The following MARCHF1 variants were observed in gnomAD, a reference collection of about 807,000 sequenced individuals.
MARCHF1 encodes E3 ubiquitin-protein ligase MARCHF1.
Under a neutral mutation model 54.2 loss-of-function variants are expected in MARCHF1, and 40 were observed. The ratio of observed to expected loss-of-function variants is 0.74; its 90% confidence interval spans 0.57 to 0.96. The LOEUF is 0.96. Ranked by LOEUF, MARCHF1 falls within the 40% of genes least tolerant of loss-of-function variation. The probability of loss-of-function intolerance (pLI) is 0.00; values close to 1 mark genes in which losing one functional copy is unlikely to be tolerated. For synonymous variants in MARCHF1, 236 were observed against 236.3 expected (o/e 1.00, Z 0.01); for missense variants, 586 against 656.5 (o/e 0.89, Z 1.17).
intron 1 of MARCHF1, among the ~76,000 whole-genome samples, chr4:164,285,482 G>T (rs1376014345): frequency 1.3e-5 from 2 of 151,524 alleles, no homozygotes; most frequent in South Asian, 2.1e-4. Flanking sequence ...TCGCTCTGTC[G>T]CCCAGGCTGG....
intron 1 of MARCHF1, among the ~76,000 whole-genome samples, chr4:164,364,100 G>T (rs1405151749): frequency 6.6e-6 from 1 of 152,012 alleles, no homozygotes; most frequent in African/African-American, 2.4e-5. Flanking sequence ...TCAAAGAAGG[G>T]AAGGGAGAGA....
intron 5 of MARCHF1, among the ~76,000 whole-genome samples, chr4:163,645,363 T>C (rs552256871): frequency 3.9e-5 from 6 of 152,046 alleles, no homozygotes; most frequent in Non-Finnish European, 8.8e-5. Context: ...TGGAACCTAA[T>C]AGGAGAAAGC....
chr4:164,128,517 G>A (rs1414117509), intron 1 of MARCHF1, among the ~76,000 whole-genome samples: 1 of 143,126 alleles, frequency 7.0e-6, no homozygotes, highest in Non-Finnish European at 1.5e-5. Flanking sequence ...TTATACTTAT[G>A]AAATGATGCT....
At chr4:163,970,515 G>A (rs1047533097) in intron 3 of MARCHF1, among the ~76,000 whole-genome samples, 1 of 152,208 alleles carries the variant, frequency 6.6e-6, no homozygotes, top group Non-Finnish European at 1.5e-5. Flanking sequence ...ATGGATGGAT[G>A]AACAAACCTT....
intron 1 of MARCHF1, among the ~76,000 whole-genome samples, chr4:164,211,745 C>T (rs947413871): frequency 1.1e-4 from 16 of 151,850 alleles, no homozygotes; most frequent in African/African-American, 2.2e-4. Flanking sequence ...GTAGTAGGTA[C>T]GGATGCCATC....
chr4:164,048,929 A>G (rs1183418836), intron 2 of MARCHF1, among the ~76,000 whole-genome samples: 1 of 152,182 alleles, frequency 6.6e-6, no homozygotes, highest in Non-Finnish European at 1.5e-5. Flanking sequence ...TTATATAATT[A>G]TCTTACATAA....
intron 4 of MARCHF1, among the ~76,000 whole-genome samples, chr4:163,773,149 C>G (rs1005171889): frequency 6.6e-6 from 1 of 152,102 alleles, no homozygotes; most frequent in African/African-American, 2.4e-5. Context: ...CAGCAGGAGA[C>G]AGGCTGTGCC....
intron 1 of MARCHF1, among the ~76,000 whole-genome samples, chr4:164,340,405 T>TTATATACATACATACATATATA (rs58808830): frequency 1.0e-5 from 1 of 95,650 alleles, no homozygotes; most frequent in East Asian, 3.9e-4. Flanking sequence ...AGGCCTTGAT[T>TTATATACATACATACATATATA]TATATATAGA....
chr4:163,609,108 G>A (rs58270233), intron 7 of MARCHF1, among the ~76,000 whole-genome samples: 10,039 of 151,958 alleles, frequency 0.066, 476 homozygotes, highest in East Asian at 0.16. Flanking sequence ...CACACATGCC[G>A]TTGTTTAGTG....
chr4:163,975,182 TCTCTCTCTCTCTCTCACACA>T lies in MARCHF1; in HGVS notation c.-39+13299_-39+13318del, dbSNP rs1317715391. ...TAATAAAGCTCTCTCTCTCTCTCTCTCTCTCTCTCTCTCTCACACACACACACACACACACACACACACAC... is the reference window on the plus strand; with the variant it reads ...TAATAAAGCTCTCTCTCTCTCTCTCTCACACACACACACACACACACACAC... On this transcript the variant is annotated intron_variant, in intron 3 of 9. Coordinates refer to ENST00000514618, the MANE Select transcript of MARCHF1 (RefSeq NM_001394959.1). Among the ~76,000 whole-genome samples the T allele has an allele frequency of 4.1e-4, 57 of 139,386 alleles. 1 individual carries two copies. The East Asian group carries it at 0.012, about 29-fold the overall frequency. 91.4% of individuals were successfully genotyped at this position (139,386 alleles called of 152,430 possible).
At chr4:163,941,042 T>G (rs1242285673) in intron 3 of MARCHF1, among the ~76,000 whole-genome samples, 1 of 152,038 alleles carries the variant, frequency 6.6e-6, no homozygotes, top group African/African-American at 2.4e-5. Flanking sequence ...AAAGACAAAA[T>G]AATACAAGGA....
chr4:164,308,763 T>G (rs1221637919), intron 1 of MARCHF1, among the ~76,000 whole-genome samples: 1 of 151,952 alleles, frequency 6.6e-6, no homozygotes, highest in African/African-American at 2.4e-5. Flanking sequence ...TGAGAATTCA[T>G]GGACACAAGA....
chr4:164,071,983 G>A (rs1221459967), intron 2 of MARCHF1, among the ~76,000 whole-genome samples: 2 of 151,580 alleles, frequency 1.3e-5, no homozygotes, highest in Admixed American at 1.3e-4. Flanking sequence ...TAGATAAATA[G>A]AATGCCAATA....
In MARCHF1 at chr4:164,018,281, A is replaced by C. The variant is rs888062970; in HGVS notation, c.-247-29572T>G. Among the ~76,000 whole-genome samples, 41 of 152,150 alleles carry C rather than the reference A, an allele frequency of 2.7e-4. 3 individuals are homozygous for C. In the East Asian group the frequency reaches 7.5e-3, roughly 28 times the overall value. On this transcript the variant is annotated intron_variant, in intron 2 of 9. Coordinates refer to ENST00000514618, the MANE Select transcript of MARCHF1 (RefSeq NM_001394959.1). ...AAAGAAATTCAGATCATACATAAAA[A>C]TTGATAACTTTATTCAAATAACAAC... is the stretch of plus-strand genomic sequence containing the variant.
rs752377581 is a variant in MARCHF1, at chr4:163,545,784, T to G, written c.1192-41A>C. The G allele has an allele frequency of 5.6e-6, 9 of 1,596,174 alleles. No homozygotes were observed. In the South Asian group the frequency reaches 1.0e-4, roughly 18 times the overall value. ...AAGGACACAAAACTGAATTGCAAAC[T>G]AGGAAATTTTGCTCCTCTTTTATTT... On this transcript the variant is annotated intron_variant, in intron 8 of 9. Transcript: ENST00000514618.
chr4:164,115,952 G>T (rs957407547), intron 1 of MARCHF1, among the ~76,000 whole-genome samples: 6 of 149,214 alleles, frequency 4.0e-5, no homozygotes, highest in African/African-American at 1.5e-4. Context: ...TTTAAAATTT[G>T]CTCTCCTATC....
chr4:163,987,647 A>G (rs1752895812), intron 3 of MARCHF1, among the ~76,000 whole-genome samples: 1 of 152,212 alleles, frequency 6.6e-6, no homozygotes, highest in South Asian at 2.1e-4. Flanking sequence ...GAGGACTAGA[A>G]AATAGTTATG....
Position 163,612,911 on chromosome 4 carries a change from CT to C in MARCHF1, c.369del (p.Ala124ProfsTer13). On this transcript the variant is annotated frameshift_variant, in exon 7 of 10. Coordinates refer to ENST00000514618, the MANE Select transcript of MARCHF1 (RefSeq NM_001394959.1). LOFTEE classifies it high-confidence loss of function. ...SVIQRPRRRR[K>X]ASERYEHAAE... ...GCAGCATGCTCATATCTCTCAGAGG[CT>C]TTTCTCCTCCTCCTAGGTCTTTGTA... The C allele has an allele frequency of 6.5e-7, 1 of 1,535,464 alleles. No individual in the cohort carries two copies. The highest frequency in any genetic ancestry group is 1.2e-5 in the South Asian group (1 of 84,040).
chr4:163,619,684 A>T (rs1327675870), intron 5 of MARCHF1, among the ~76,000 whole-genome samples: 1 of 152,146 alleles, frequency 6.6e-6, no homozygotes, highest in Non-Finnish European at 1.5e-5. Flanking sequence ...TATTAAAAAA[A>T]TGGCGTTGAC....
Sources: gnomAD v4.1 joint callset for allele counts (sites outside exome capture counted in the v4.1 genomes callset) on GRCh38, gnomAD v4.1.1 for gene constraint, MANE v1.5 for transcripts, NCBI Gene and HGNC (gene_info 2026-07-23, HGNC 2026-07-21) for gene names.